Variants in TAS2R1 observed in about 807,000 individuals in gnomAD.
TAS2R1 encodes the protein taste 2 receptor member 1.
For missense variants in TAS2R1, 370 were observed against 353.4 expected (o/e 1.05, Z -0.38); for synonymous variants, 141 against 134.2 (o/e 1.05, Z -0.35).
At chr5:9,733,268 A>C in the TAS2R1 span, among the ~76,000 whole-genome samples, 9 of 152,258 alleles carry the variant, frequency 5.9e-5, no homozygotes, top group Admixed American at 2.6e-4. Flanking sequence ...ATTGGAACAC[A>C]GCCATGCCAA....
chr5:9,707,927 C>G (rs547543617), intron 1 of TAS2R1, among the ~76,000 whole-genome samples: 1 of 152,260 alleles, frequency 6.6e-6, no homozygotes. Context: ...ATGCCACTCT[C>G]TGCCTGGAGC....
chr5:9,695,697 C>T (rs1286863733), intron 1 of TAS2R1, among the ~76,000 whole-genome samples: 1 of 152,074 alleles, frequency 6.6e-6, no homozygotes, highest in Non-Finnish European at 1.5e-5. Flanking sequence ...AAGACCACAA[C>T]CAAACACTGA....
the TAS2R1 span, among the ~76,000 whole-genome samples, chr5:9,773,304 A>G: frequency 2.0e-5 from 3 of 152,014 alleles, no homozygotes; most frequent in African/African-American, 7.2e-5. Context: ...AAAATGCTAC[A>G]CTTTAACTTC....
chr5:9,849,079 TG>T, the TAS2R1 span, among the ~76,000 whole-genome samples: 2 of 152,172 alleles, frequency 1.3e-5, no homozygotes, highest in Non-Finnish European at 2.9e-5. Context: ...TGAGTGCACA[TG>T]GGGCAAAAGC....
chr5:9,802,302 C>A, the TAS2R1 span, among the ~76,000 whole-genome samples: 1 of 152,120 alleles, frequency 6.6e-6, no homozygotes, highest in South Asian at 2.1e-4. Context: ...AGCTCCTCTG[C>A]GTGGCTAGAC....
upstream of TAS2R1, among the ~76,000 whole-genome samples, chr5:9,715,650 C>T (rs1005238401): frequency 6.6e-6 from 1 of 152,162 alleles, no homozygotes; most frequent in African/African-American, 2.4e-5. Context: ...TTTCCCCCAA[C>T]CCCTGCCCTA....
chr5:9,902,179 A>G, the TAS2R1 span, among the ~76,000 whole-genome samples: 1 of 152,090 alleles, frequency 6.6e-6, no homozygotes, highest in African/African-American at 2.4e-5. Flanking sequence ...ATTTAGCCTT[A>G]CTAAAGACCT....
the TAS2R1 span, among the ~76,000 whole-genome samples, chr5:9,764,271 C>T: frequency 1.3e-5 from 2 of 152,166 alleles, no homozygotes; most frequent in Non-Finnish European, 2.9e-5. Context: ...TACTTTTCTA[C>T]CACCCTATGT....
At chr5:9,824,351 T>C in the TAS2R1 span, among the ~76,000 whole-genome samples, 2 of 152,226 alleles carry the variant, frequency 1.3e-5, no homozygotes, top group East Asian at 3.8e-4. Context: ...ACTTTCTTCA[T>C]AAAACCGACT....
chr5:9,692,192 G>A (rs1741260070), intron 1 of TAS2R1, among the ~76,000 whole-genome samples: 1 of 152,204 alleles, frequency 6.6e-6, no homozygotes, highest in South Asian at 2.1e-4. Context: ...GTGCTTGTCA[G>A]AGCGCATCTG....
chr5:9,712,735 T>C (rs1734712792), upstream of TAS2R1, among the ~76,000 whole-genome samples: 1 of 152,194 alleles, frequency 6.6e-6, no homozygotes, highest in Admixed American at 6.5e-5. Flanking sequence ...GCACGTGCGC[T>C]GTCTCTCTCT....
At chr5:9,791,401 A>T in the TAS2R1 span, among the ~76,000 whole-genome samples, 2 of 152,198 alleles carry the variant, frequency 1.3e-5, no homozygotes, top group African/African-American at 4.8e-5. Context: ...CAAAGTTTTT[A>T]AAAATGCTGA....
At chr5:9,755,667 T>G in the TAS2R1 span, among the ~76,000 whole-genome samples, 1 of 151,798 alleles carries the variant, frequency 6.6e-6, no homozygotes, top group Non-Finnish European at 1.5e-5. Context: ...CCCCGCAGAC[T>G]GCTGGTTGTC....
At chr5:9,656,709 C>T (rs370921939) in intron 2 of TAS2R1, among the ~76,000 whole-genome samples, 9 of 152,144 alleles carry the variant, frequency 5.9e-5, no homozygotes, top group East Asian at 3.9e-4. Context: ...ACCAAATATC[C>T]GGGCACCCTG....
the TAS2R1 span, among the ~76,000 whole-genome samples, chr5:9,887,278 C>T: frequency 1.4e-3 from 209 of 152,270 alleles, 1 homozygote; most frequent in African/African-American, 4.7e-3. Context: ...GAAAGTATTT[C>T]ATATTATAAC....
the TAS2R1 span, among the ~76,000 whole-genome samples, chr5:9,848,060 G>A: frequency 5.2e-4 from 79 of 152,318 alleles, no homozygotes; most frequent in Non-Finnish European, 9.4e-4. Flanking sequence ...ACTAAGGCTT[G>A]AGAAACATGG....
chr5:9,709,298 A>C (rs1007333312), intron 1 of TAS2R1, among the ~76,000 whole-genome samples: 2 of 151,768 alleles, frequency 1.3e-5, no homozygotes, highest in African/African-American at 4.8e-5. Context: ...GCTGATTTTT[A>C]AGTAACTGCC....
At chr5:9,763,218 T>C in the TAS2R1 span, among the ~76,000 whole-genome samples, 2 of 152,174 alleles carry the variant, frequency 1.3e-5, no homozygotes, top group African/African-American at 2.4e-5. Context: ...AGAAATATTA[T>C]GTATGGCCAG....
At chr5:9,673,131 C>T (rs190228595) in intron 1 of TAS2R1, among the ~76,000 whole-genome samples, 346 of 151,574 alleles carry the variant, frequency 2.3e-3, no homozygotes, top group African/African-American at 7.9e-3. Context: ...ATAGACACTG[C>T]GGCCTACTTA....
Sources: gnomAD v4.1 joint callset for allele counts (sites outside exome capture counted in the v4.1 genomes callset) on GRCh38, gnomAD v4.1.1 for gene constraint, MANE v1.5 for transcripts, NCBI Gene and HGNC (gene_info 2026-07-23, HGNC 2026-07-21) for gene names.